The following TMCO4 variants were observed in gnomAD, a reference collection of about 807,000 sequenced individuals.
TMCO4 encodes the protein transmembrane and coiled-coil domain-containing protein 4.
Under a neutral mutation model 64.7 loss-of-function variants are expected in TMCO4, and 58 were observed. The observed-to-expected ratio is 0.90, with a 90% CI of 0.73 to 1.12. TMCO4 has a LOEUF of 1.12. Among genes scored for constraint, TMCO4 ranks in the 50% most tolerant of loss-of-function variants. The pLI is 0.00. For missense variants in TMCO4, 780 were observed against 825.9 expected, an observed-to-expected ratio of 0.94 and a Z score of 0.68; for synonymous variants, 325 against 346.1, an observed-to-expected ratio of 0.94 and a Z score of 0.68.
chr1:19,772,612 G>T (rs1024889926), intron 4 of TMCO4, among the ~76,000 whole-genome samples: 3 of 152,160 alleles, frequency 2.0e-5, no homozygotes, highest in African/African-American at 7.2e-5. Context: ...GAGTCACTTA[G>T]AAGTCGATTA....
chr1:19,754,160 GT>G (rs1376321972), intron 7 of TMCO4, among the ~76,000 whole-genome samples: 1 of 152,160 alleles, frequency 6.6e-6, no homozygotes, highest in Admixed American at 6.5e-5. Context: ...AGACCTTCTG[GT>G]TTATATCTTC....
intron 14 of TMCO4, among the ~76,000 whole-genome samples, chr1:19,695,157 T>C (rs1461316960): frequency 2.6e-5 from 4 of 152,196 alleles, no homozygotes; most frequent in Admixed American, 2.6e-4. Flanking sequence ...GTCACAGCGC[T>C]GGGAACATTC....
chr1:19,756,125 C>A (rs915282899), intron 6 of TMCO4, among the ~76,000 whole-genome samples: 1 of 152,054 alleles, frequency 6.6e-6, no homozygotes, highest in African/African-American at 2.4e-5. Context: ...GTGGTGCATG[C>A]CTGTGGTCCT....
chr1:19,735,124 A>G (rs1395989038), intron 13 of TMCO4, among the ~76,000 whole-genome samples: 1 of 150,278 alleles, frequency 6.7e-6, no homozygotes, highest in Non-Finnish European at 1.5e-5. Flanking sequence ...GAGGCTGGAG[A>G]GCGGACACAA....
At chr1:19,746,946 C>T (rs1039241266) in intron 8 of TMCO4, among the ~76,000 whole-genome samples, 1 of 116,912 alleles carries the variant, frequency 8.6e-6, no homozygotes, top group African/African-American at 3.8e-5. Context: ...AAAAAAAAAA[C>T]GTGGCTTGAT....
At chr1:19,742,594 CAA>C (rs774802602) in intron 10 of TMCO4, among the ~76,000 whole-genome samples, 9 of 152,144 alleles carry the variant, frequency 5.9e-5, no homozygotes, top group Non-Finnish European at 8.8e-5. Flanking sequence ...TAGTCAGCCC[CAA>C]GAGAGGAGAT....
chr1:19,799,643 A>G (rs901452210), intron 1 of TMCO4, among the ~76,000 whole-genome samples: 2 of 151,766 alleles, frequency 1.3e-5, no homozygotes, highest in African/African-American at 4.8e-5. Context: ...CAAACCAACC[A>G]CCAGCAGGCG....
At chr1:19,700,469 C>T (rs4912147) in intron 14 of TMCO4, among the ~76,000 whole-genome samples, 52,933 of 152,004 alleles carry the variant, frequency 0.35, 9,696 homozygotes, top group Non-Finnish European at 0.41. Flanking sequence ...TGTCCCTTCC[C>T]CCAGCTCCAA....
chr1:19,791,526 G>A (rs1038094905), intron 2 of TMCO4, among the ~76,000 whole-genome samples: 6 of 152,260 alleles, frequency 3.9e-5, no homozygotes, highest in Admixed American at 6.5e-5. Context: ...GTGGGAATGC[G>A]TCACCTGCTG....
intron 6 of TMCO4, among the ~76,000 whole-genome samples, chr1:19,764,441 G>A (rs2042639261): frequency 6.6e-6 from 1 of 152,260 alleles, no homozygotes; most frequent in African/African-American, 2.4e-5. Context: ...CACTCAACGA[G>A]CATGTGCTAT....
intron 13 of TMCO4, among the ~76,000 whole-genome samples, chr1:19,729,236 G>A (rs1427693069): frequency 5.3e-5 from 8 of 151,854 alleles, no homozygotes. Flanking sequence ...TGCAACCTCT[G>A]CCTCCTGGGT....
intron 6 of TMCO4, among the ~76,000 whole-genome samples, chr1:19,760,946 C>T (rs1177640370): frequency 1.3e-5 from 2 of 152,226 alleles, no homozygotes; most frequent in Non-Finnish European, 1.5e-5. Context: ...ATGTATATCC[C>T]CTTTCGGCAG....
intron 15 of TMCO4, among the ~76,000 whole-genome samples, chr1:19,690,296 G>A (rs1041467498): frequency 4.6e-5 from 7 of 152,206 alleles, no homozygotes; most frequent in Non-Finnish European, 1.0e-4. Context: ...GAGGGCAGCT[G>A]CCCCACGTGA....
At chr1:19,792,769 T>TTTA (rs2044112412) in intron 2 of TMCO4, among the ~76,000 whole-genome samples, 1 of 134,566 alleles carries the variant, frequency 7.4e-6, no homozygotes, top group African/African-American at 3.5e-5. Context: ...AGGTCAATTT[T>TTTA]TTTTTTTTTT....
At chr1:19,685,133 T>C (rs1466644304) in intron 15 of TMCO4, among the ~76,000 whole-genome samples, 1 of 152,200 alleles carries the variant, frequency 6.6e-6, no homozygotes, top group Non-Finnish European at 1.5e-5. Flanking sequence ...GAGACCAGCC[T>C]GGGCAACATG....
chr1:19,741,927 CGG>C (rs566237183), intron 10 of TMCO4, among the ~76,000 whole-genome samples: 15 of 151,800 alleles, frequency 9.9e-5, no homozygotes, highest in Admixed American at 5.9e-4. Context: ...TCAGTAGAGA[CGG>C]GGTTTCATCA....
intron 13 of TMCO4, among the ~76,000 whole-genome samples, chr1:19,708,762 G>GGCA: frequency 6.6e-6 from 1 of 152,280 alleles, no homozygotes; most frequent in Non-Finnish European, 1.5e-5. Context: ...CAGCTGGGAA[G>GGCA]GCAGCACCTC....
rs1475208682 is a variant in TMCO4, at chr1:19,725,521, GC to G, written c.1264+11850del. On this transcript the variant is annotated intron_variant, in intron 13 of 15. Coordinates refer to ENST00000294543, the MANE Select transcript of TMCO4 (RefSeq NM_181719.7). ...AGATGAATGCCCCCTTGTGATCAGG[GC>G]CCAGGGTCCCATAGTGAGTGCTCAG... Among the ~76,000 whole-genome samples, 5 of 152,202 alleles carry G rather than the reference GC, an allele frequency of 3.3e-5. No individual in the cohort carries two copies. The East Asian group carries it at 9.7e-4, about 29-fold the overall frequency.
chr1:19,683,031 C>T lies in TMCO4; in HGVS notation c.*9G>A, dbSNP rs770593164. The T allele has an allele frequency of 1.9e-6, 3 of 1,548,522 alleles. No homozygotes were observed. Among genetic ancestry groups the T allele is most frequent in the Non-Finnish European group, 2.6e-6 (3 of 1,151,384 alleles). On this transcript the variant is annotated 3_prime_UTR_variant, in exon 16 of 16. Coordinates refer to ENST00000294543, the MANE Select transcript of TMCO4 (RefSeq NM_181719.7). ...GACTGGGGAAGACGGCTCAGGTCCC[C>T]TGCTGTGGTCAGTCCAGCCCCGTGC...
Sources: allele counts gnomAD v4.1 joint callset (sites outside exome capture counted in the v4.1 genomes callset), GRCh38; gene constraint gnomAD v4.1.1; transcripts MANE v1.5; gene names NCBI Gene and HGNC (gene_info 2026-07-23, HGNC 2026-07-21).